The following TRPM3 variants were observed in gnomAD, a reference collection of about 807,000 sequenced individuals.
TRPM3 encodes the protein transient receptor potential cation channel subfamily M member 3, also known as long transient receptor potential channel 3.
TRPM3 carries 77 observed loss-of-function variants against 181.2 expected under a neutral mutation model. That is an observed-to-expected ratio of 0.42 (90% CI 0.35 to 0.51). The LOEUF is 0.51. Ranked by LOEUF, TRPM3 falls within the 20% of genes least tolerant of loss-of-function variation. The pLI is 0.01. For missense variants in TRPM3, 1,759 were observed against 2,196.7 expected (o/e 0.80, Z 3.98); for synonymous variants, 745 against 796.4 (o/e 0.94, Z 1.09).
chr9:70,922,799 C>T (rs944284509), intron 1 of TRPM3, among the ~76,000 whole-genome samples: 3 of 152,120 alleles, frequency 2.0e-5, no homozygotes, highest in Non-Finnish European at 4.4e-5. Flanking sequence ...GTCTCAGTCT[C>T]GTTTTCTTTC....
intron 9 of TRPM3, among the ~76,000 whole-genome samples, chr9:70,651,968 A>G (rs2059651132): frequency 6.6e-6 from 1 of 152,110 alleles, no homozygotes; most frequent in Admixed American, 6.6e-5. Flanking sequence ...AAGGAGGAAG[A>G]CCCTTCAGAG....
intron 1 of TRPM3, among the ~76,000 whole-genome samples, chr9:71,386,531 A>G (rs1245199523): frequency 6.6e-6 from 1 of 152,102 alleles, no homozygotes; most frequent in Non-Finnish European, 1.5e-5. Flanking sequence ...GAATAAGCCT[A>G]GAAATCTTGG....
chr9:71,134,000 TGTGTGTGTGTGTGTGCGCGTGC>T (rs71367257), intron 1 of TRPM3, among the ~76,000 whole-genome samples: 5,545 of 106,276 alleles, frequency 0.052, 143 homozygotes, highest in South Asian at 0.18. Flanking sequence ...TGTGTGTGTG[TGTGTGTGTGTGTGTGCGCGTGC>T]GCGCGCGCGC....
intron 5 of TRPM3, among the ~76,000 whole-genome samples, chr9:70,839,000 C>T (rs2094483358): frequency 6.6e-6 from 1 of 152,132 alleles, no homozygotes; most frequent in African/African-American, 2.4e-5. Context: ...CCACACCCAA[C>T]AGGCCGCTCC....
intron 1 of TRPM3, among the ~76,000 whole-genome samples, chr9:71,410,243 A>G (rs944165811): frequency 6.6e-6 from 1 of 152,206 alleles, no homozygotes; most frequent in African/African-American, 2.4e-5. Flanking sequence ...GCAGAAGGCA[A>G]GAAAAAACTA....
chr9:70,910,273 T>C (rs2133135069), intron 1 of TRPM3, among the ~76,000 whole-genome samples: 1 of 152,300 alleles, frequency 6.6e-6, no homozygotes, highest in South Asian at 2.1e-4. Context: ...AACATAATGT[T>C]AAGCAAAATA....
intron 19 of TRPM3, among the ~76,000 whole-genome samples, chr9:70,604,964 C>CT (rs5898151): frequency 3.8e-5 from 5 of 129,924 alleles, no homozygotes; most frequent in Admixed American, 8.2e-5. Flanking sequence ...ATGGATTCTT[C>CT]TTTTTTTTTG....
intron 1 of TRPM3, among the ~76,000 whole-genome samples, chr9:71,380,120 C>T (rs960134294): frequency 2.0e-5 from 3 of 152,002 alleles, no homozygotes; most frequent in African/African-American, 4.8e-5. Flanking sequence ...ACAACATTCT[C>T]AGCATTAGAA....
intron 1 of TRPM3, among the ~76,000 whole-genome samples, chr9:71,174,728 C>T (rs770387656): frequency 1.4e-4 from 21 of 151,998 alleles, no homozygotes; most frequent in Non-Finnish European, 2.2e-4. Flanking sequence ...AAGAAGCCAT[C>T]GGGTATCTGG....
intron 1 of TRPM3, among the ~76,000 whole-genome samples, chr9:71,316,578 C>T (rs1056218069): frequency 1.1e-4 from 16 of 151,968 alleles, no homozygotes; most frequent in African/African-American, 3.4e-4. Context: ...CACCAAGAGA[C>T]GTAACATTGC....
At chr9:71,305,503 A>G (rs1377047955) in intron 1 of TRPM3, among the ~76,000 whole-genome samples, 2 of 152,324 alleles carry the variant, frequency 1.3e-5, no homozygotes, top group East Asian at 3.9e-4. Flanking sequence ...AAATAAAATT[A>G]CAAGAAAATG....
intron 1 of TRPM3, among the ~76,000 whole-genome samples, chr9:70,876,452 A>G (rs1329040015): frequency 1.3e-5 from 2 of 151,524 alleles, no homozygotes; most frequent in Non-Finnish European, 2.9e-5. Flanking sequence ...GTAGCCCATA[A>G]ATATGTATGA....
chr9:70,902,417 T>A (rs1317126245), intron 1 of TRPM3, among the ~76,000 whole-genome samples: 1 of 152,234 alleles, frequency 6.6e-6, no homozygotes, highest in African/African-American at 2.4e-5. Context: ...GAATGGGAAC[T>A]GCTTAAGATT....
intron 1 of TRPM3, among the ~76,000 whole-genome samples, chr9:71,413,030 T>C (rs2093582744): frequency 6.6e-6 from 1 of 151,646 alleles, no homozygotes; most frequent in South Asian, 2.1e-4. Context: ...TTCTCACTCA[T>C]AGGTGGGAAT....
rs893295472 is a variant in TRPM3 at position 71,204,946 on chromosome 9, C to T, written c.183+241707G>A. On this transcript the variant is annotated intron_variant, in intron 1 of 24. Transcript: ENST00000357533. The stretch of plus-strand genomic sequence containing the variant: ...GATGAAGCCAGAAACCATCATTCTC[C>T]GTAAACTATCGCAAGGACAAAAAAC... 3.3e-5 allele frequency among the ~76,000 whole-genome samples: 5 copies of T among 152,094 alleles called. No homozygotes were observed. In the East Asian group the frequency reaches 5.8e-4, roughly 18 times the overall value.
At chr9:70,601,494 G>T (rs1478236951) in intron 20 of TRPM3, among the ~76,000 whole-genome samples, 1 of 152,146 alleles carries the variant, frequency 6.6e-6, no homozygotes, top group Non-Finnish European at 1.5e-5. Flanking sequence ...TGGCCTGTGG[G>T]GTCCTCACCC....
intron 1 of TRPM3, among the ~76,000 whole-genome samples, chr9:71,205,051 C>T (rs1313281070): frequency 6.6e-6 from 1 of 151,828 alleles, no homozygotes; most frequent in Admixed American, 6.6e-5. Context: ...CATCACACAA[C>T]AGGGCCTGTT....
At chr9:71,278,597 AT>A (rs2132173507) in intron 1 of TRPM3, among the ~76,000 whole-genome samples, 1 of 152,332 alleles carries the variant, frequency 6.6e-6, no homozygotes, top group South Asian at 2.1e-4. Context: ...ATAATATAAG[AT>A]TAATACAAAC....
intron 22 of TRPM3, among the ~76,000 whole-genome samples, chr9:70,565,367 C>T (rs2309744): frequency 0.53 from 80,148 of 151,836 alleles, 21,396 homozygotes; most frequent in East Asian, 0.57. Context: ...GATCTCAGCT[C>T]ACTGCAACCT....
Sources: gnomAD v4.1 joint callset for allele counts (sites outside exome capture counted in the v4.1 genomes callset) on GRCh38, gnomAD v4.1.1 for gene constraint, MANE v1.5 for transcripts, NCBI Gene and HGNC (gene_info 2026-07-23, HGNC 2026-07-21) for gene names.